Variants in MOK observed in about 807,000 individuals in gnomAD.
MOK encodes MOK protein kinase.
A neutral mutation model predicts 54.2 loss-of-function variants in MOK; 59 were observed. The ratio of observed to expected loss-of-function variants is 1.09; its 90% CI spans 0.88 to 1.35. The LOEUF is 1.35. Ranked by LOEUF, MOK falls within the 40% of genes most tolerant of loss-of-function variation. The probability of loss-of-function intolerance (pLI) is 0.00; values close to 1 mark genes in which losing one functional copy is unlikely to be tolerated. For synonymous variants in MOK, 210 were observed against 202.7 expected (o/e 1.04, Z -0.31); for missense variants, 517 against 526.2 (o/e 0.98, Z 0.17).
At chr14:102,298,093 C>T (rs769488595) in intron 1 of MOK, among the ~76,000 whole-genome samples, 8 of 152,178 alleles carry the variant, frequency 5.3e-5, no homozygotes, top group African/African-American at 7.2e-5. Flanking sequence ...GTGGGACTGG[C>T]GGGCAGCTCC....
At chr14:102,291,180 G>A (rs1463873461) in intron 1 of MOK, among the ~76,000 whole-genome samples, 1 of 152,062 alleles carries the variant, frequency 6.6e-6, no homozygotes, top group Non-Finnish European at 1.5e-5. Flanking sequence ...AAAACCGGAA[G>A]CCATAACTTG....
chr14:102,276,099 A>T (rs934451543), intron 2 of MOK, among the ~76,000 whole-genome samples: 2 of 152,190 alleles, frequency 1.3e-5, no homozygotes, highest in Non-Finnish European at 2.9e-5. Context: ...CCACACAATC[A>T]TCAGAATGGC....
In MOK at chr14:102,265,822, C is replaced by A. The variant is rs767850836; in HGVS notation, c.212+1G>T. 2 of 1,612,266 alleles carry A rather than the reference C, an allele frequency of 1.2e-6. No individual in the cohort carries two copies. Among genetic ancestry groups the A allele is most frequent in the Non-Finnish European group, 1.7e-6 (2 of 1,178,548 alleles). ...ACTTTTCAAGCTCCAAATATACTTA[C>A]AAAACCACTTCATGCAACATAAGAA... On this transcript the variant is annotated splice_donor_variant, in intron 3 of 11. Transcript: ENST00000361847. LOFTEE classifies it high-confidence loss of function.
chr14:102,298,024 T>G (rs1162208746), intron 1 of MOK, among the ~76,000 whole-genome samples: 1 of 152,150 alleles, frequency 6.6e-6, no homozygotes, highest in Non-Finnish European at 1.5e-5. Context: ...CACCGCCCCC[T>G]GCTCCAGGGT....
intron 4 of MOK, among the ~76,000 whole-genome samples, chr14:102,253,086 A>C (rs2066657639): frequency 6.6e-6 from 1 of 152,238 alleles, no homozygotes; most frequent in Non-Finnish European, 1.5e-5. Context: ...TGAGTTTTGA[A>C]ACAGGTGAAG....
rs903778627 is a variant in MOK, at chr14:102,240,900, C to T, written c.591-7111G>A. The stretch of plus-strand genomic sequence containing the variant: ...CACCCTCCATTCCCCCTTCTTCTTC[C>T]TTAGGCTGTATTCTCAAAAACTTAA... On this transcript the variant is annotated intron_variant, in intron 7 of 11. Transcript: ENST00000361847. This position sits in a 1 kb window ranked among gnomAD's most constrained non-coding sequence, Gnocchi z 5.4. 6.6e-6 allele frequency among the ~76,000 whole-genome samples: 1 copy of T among 152,186 alleles called. No homozygotes were observed. The highest frequency in any genetic ancestry group is 1.9e-4 in the East Asian group (1 of 5,188).
At position 102,231,710 on chromosome 14, in the gene MOK, C is replaced by T. The variant is rs1170750384; in HGVS notation, c.978G>A (p.Lys326=). ...CGGCTCCGATTTCGCTTAGTACCTGCTTTCTGCCCTCCTTGGAAATCTGGC... is the reference window on the plus strand; with the variant it reads ...CGGCTCCGATTTCGCTTAGTACCTGTTTTCTGCCCTCCTTGGAAATCTGGC... ...NSCQISKEGR[K]QKQSLKQEED... The change falls in exon 10 of 12, where the codon AAG becomes AAA. Residue 326 remains lysine, a synonymous_variant. Coordinates refer to ENST00000361847, the MANE Select transcript of MOK (RefSeq NM_014226.3). This position sits in a 1 kb window ranked among gnomAD's most constrained non-coding sequence, Gnocchi z 4.4. 1.2e-6 allele frequency: 2 copies of T among 1,611,204 alleles called. No individual in the cohort carries two copies. The highest frequency in any genetic ancestry group is 1.7e-6 in the Non-Finnish European group (2 of 1,178,966).
intron 1 of MOK, among the ~76,000 whole-genome samples, chr14:102,287,290 G>A (rs986369796): frequency 9.2e-5 from 14 of 151,980 alleles, no homozygotes; most frequent in South Asian, 2.1e-4. Context: ...CCAACATGGC[G>A]AAACTCCATC....
At position 102,250,868 on chromosome 14, in the gene MOK, G is replaced by C. The variant is rs2066472976; in HGVS notation, c.534C>G (p.Phe178Leu). 4 of 1,614,024 alleles carry C rather than the reference G, an allele frequency of 2.5e-6. No homozygotes were observed. The African/African-American group carries it at 5.3e-5, about 22-fold the overall frequency. ...TCCACAGGTCCATCTTGTACGTGTA[G>C]AACCCATCAGTGAGGAGACACTCCG... The part of the protein sequence containing the change: ...RAPECLLTDG[F>L]YTYKMDLWSA... Residue 178 changes from phenylalanine to leucine, a missense_variant, in exon 7 of 12, where the codon TTC becomes TTG. By Grantham distance (22) the Phe-to-Leu change is conservative. Transcript: ENST00000361847.
chr14:102,278,198 T>C (rs908779673), intron 2 of MOK, among the ~76,000 whole-genome samples: 24 of 152,226 alleles, frequency 1.6e-4, no homozygotes, highest in African/African-American at 4.8e-4. Flanking sequence ...AAGAAATAAA[T>C]GTCTGCTGTT....
chr14:102,303,342 C>T (rs909893543), intron 1 of MOK, among the ~76,000 whole-genome samples: 3 of 152,076 alleles, frequency 2.0e-5, no homozygotes, highest in African/African-American at 7.2e-5. Context: ...AATCATGAGG[C>T]GAAAATCAGA....
At chr14:102,243,100 T>C (rs1335483059) in intron 7 of MOK, among the ~76,000 whole-genome samples, 3 of 152,196 alleles carry the variant, frequency 2.0e-5, no homozygotes, top group Non-Finnish European at 4.4e-5. Context: ...GCTAATCATG[T>C]CTGGCTAATC....
intron 4 of MOK, among the ~76,000 whole-genome samples, chr14:102,253,013 G>A (rs79322402): frequency 0.014 from 2,094 of 152,274 alleles, 50 homozygotes; most frequent in African/African-American, 0.047. Flanking sequence ...TGGAAGCCCC[G>A]GGCGAGTCAG....
rs576717168 is a variant in MOK at position 102,260,101 on chromosome 14, G to A, written c.283+3445C>T. Among the ~76,000 whole-genome samples, 52 of 151,778 alleles carry A rather than the reference G, an allele frequency of 3.4e-4. No homozygotes were observed. The South Asian group carries it at 6.7e-3, about 20-fold the overall frequency. ...TAAGGCAGGAGAATCGCTTGAACCC[G>A]GGAGGCGGAGGTTGTGGTGAGCCGA... On this transcript the variant is annotated intron_variant, in intron 4 of 11. Transcript: ENST00000361847.
intron 4 of MOK, among the ~76,000 whole-genome samples, chr14:102,260,176 C>CAAA (rs770385409): frequency 3.9e-5 from 3 of 76,246 alleles, no homozygotes; most frequent in Non-Finnish European, 8.4e-5. Context: ...AACTCCATCT[C>CAAA]AAAAAAAAAA....
intron 2 of MOK, among the ~76,000 whole-genome samples, chr14:102,267,107 T>G (rs148571350): frequency 2.4e-4 from 36 of 152,324 alleles, no homozygotes; most frequent in African/African-American, 7.9e-4. Flanking sequence ...AATAATTCAA[T>G]TCACCAGAAA....
In MOK at chr14:102,232,846, C is replaced by T. The variant is rs965093812; in HGVS notation, c.693-138G>A. 56 of 676,404 alleles carry T rather than the reference C, an allele frequency of 8.3e-5. No individual in the cohort carries two copies. Among genetic ancestry groups the T allele is most frequent in the African/African-American group, 6.0e-4 (33 of 55,098 alleles). The allele number at this position is 676,404 out of a possible 1,614,324, so 41.9% of individuals were successfully genotyped here. On this transcript the variant is annotated intron_variant, in intron 8 of 11. Transcript: ENST00000361847. This position sits in a 1 kb window ranked among gnomAD's most constrained non-coding sequence, Gnocchi z 5.1. Reference sequence around the variant, plus strand: ...TCTACACCTGTCCCAGCCCACAGAACGTGCACCACCAAGAGGGACCCCTGA... The same window carrying T: ...TCTACACCTGTCCCAGCCCACAGAATGTGCACCACCAAGAGGGACCCCTGA...
intron 2 of MOK, among the ~76,000 whole-genome samples, chr14:102,268,383 A>G (rs556401054): frequency 9.9e-5 from 15 of 152,066 alleles, no homozygotes; most frequent in African/African-American, 3.4e-4. Context: ...AAAAAAAAAA[A>G]TCTAAAAAAA....
At chr14:102,291,627 G>A (rs984371187) in intron 1 of MOK, among the ~76,000 whole-genome samples, 2 of 152,172 alleles carry the variant, frequency 1.3e-5, no homozygotes, top group African/African-American at 2.4e-5. Context: ...GTGCAGAAGA[G>A]CTCACACAGC....
Sources: gnomAD v4.1 joint callset for allele counts (sites outside exome capture counted in the v4.1 genomes callset) on GRCh38, gnomAD v4.1.1 for gene constraint, Gnocchi (gnomAD v3.1) non-coding constraint, MANE v1.5 for transcripts, NCBI Gene and HGNC (gene_info 2026-07-23, HGNC 2026-07-21) for gene names.